The following PRKCE variants were observed in gnomAD, a reference collection of about 807,000 sequenced individuals.
PRKCE encodes the protein protein kinase C epsilon.
In PRKCE, 16 loss-of-function variants were observed where a neutral mutation model predicts 85.4. The ratio of observed to expected loss-of-function variants is 0.19; its 90% CI spans 0.13 to 0.28. PRKCE has a LOEUF of 0.28. Ranked by LOEUF, PRKCE falls within the 10% of genes least tolerant of loss-of-function variation. The probability of loss-of-function intolerance (pLI) is 1.00; values close to 1 mark genes in which losing one functional copy is unlikely to be tolerated. For missense variants in PRKCE, 573 were observed against 975.2 expected (o/e 0.59, Z 5.49); for synonymous variants, 388 against 371.5 (o/e 1.04, Z -0.51).
At chr2:46,012,549 A>AGCC (rs1300405199) in intron 10 of PRKCE, among the ~76,000 whole-genome samples, 3 of 152,088 alleles carry the variant, frequency 2.0e-5, no homozygotes, top group Non-Finnish European at 4.4e-5. Context: ...CCCAGCAGGT[A>AGCC]GCCCTCCCTC....
intron 2 of PRKCE, among the ~76,000 whole-genome samples, chr2:45,891,316 G>A (rs997213862): frequency 2.0e-5 from 3 of 152,070 alleles, no homozygotes; most frequent in African/African-American, 7.3e-5. Flanking sequence ...TCTGACTCAA[G>A]GAACTTTTTG....
intron 2 of PRKCE, among the ~76,000 whole-genome samples, chr2:45,879,733 G>A (rs1018544100): frequency 1.3e-5 from 2 of 152,206 alleles, no homozygotes; most frequent in Admixed American, 6.5e-5. Context: ...CTCCTGTCAC[G>A]AGGCCGTGAA....
intron 2 of PRKCE, among the ~76,000 whole-genome samples, chr2:45,913,279 C>G (rs1374433482): frequency 6.6e-6 from 1 of 152,206 alleles, no homozygotes; most frequent in East Asian, 1.9e-4. Flanking sequence ...TTCTGAGTAG[C>G]TGGGACCACA....
intron 2 of PRKCE, among the ~76,000 whole-genome samples, chr2:45,859,040 CTAAATAAATAAATAAA>C (rs3045334): frequency 0.012 from 1,631 of 135,442 alleles, 36 homozygotes; most frequent in African/African-American, 0.039. Flanking sequence ...GACTCCATCT[CTAAATAAATAAATAAA>C]TAAATAAATA....
chr2:46,036,697 G>A (rs1707886228), intron 10 of PRKCE, among the ~76,000 whole-genome samples: 1 of 152,134 alleles, frequency 6.6e-6, no homozygotes. Context: ...TCCTCTCTGG[G>A]CTGGGGTGGT....
At chr2:45,747,925 A>G (rs1371140833) in intron 1 of PRKCE, among the ~76,000 whole-genome samples, 1 of 151,974 alleles carries the variant, frequency 6.6e-6, no homozygotes, top group Non-Finnish European at 1.5e-5. Flanking sequence ...CTAATGAGCA[A>G]TGTTGAGCAT....
At chr2:45,903,354 G>C (rs146948511) in intron 2 of PRKCE, among the ~76,000 whole-genome samples, 1 of 152,194 alleles carries the variant, frequency 6.6e-6, no homozygotes. Flanking sequence ...TCCATAGACA[G>C]AGCATCCCCT....
At chr2:46,101,005 G>T (rs1422553366) in intron 11 of PRKCE, among the ~76,000 whole-genome samples, 1 of 152,092 alleles carries the variant, frequency 6.6e-6, no homozygotes, top group African/African-American at 2.4e-5. Flanking sequence ...GAATAGCTGG[G>T]ATTACAAGCA....
intron 10 of PRKCE, among the ~76,000 whole-genome samples, chr2:46,023,880 A>C (rs908935243): frequency 2.0e-5 from 2 of 100,928 alleles, no homozygotes; most frequent in Non-Finnish European, 1.9e-5. Flanking sequence ...AATAACAAAA[A>C]TGGCAGGAAT....
chr2:45,834,525 C>G (rs1169546807), intron 1 of PRKCE, among the ~76,000 whole-genome samples: 1 of 152,112 alleles, frequency 6.6e-6, no homozygotes, highest in Non-Finnish European at 1.5e-5. Flanking sequence ...CAGCTCTTGC[C>G]TTTTGCTGAT....
At chr2:46,063,350 A>C (rs1480916075) in intron 10 of PRKCE, among the ~76,000 whole-genome samples, 1 of 146,832 alleles carries the variant, frequency 6.8e-6, no homozygotes, top group African/African-American at 2.5e-5. Context: ...GTTGAACAGA[A>C]AAAAAAAAAA....
intron 1 of PRKCE, among the ~76,000 whole-genome samples, chr2:45,714,739 T>C (rs1329827608): frequency 6.6e-6 from 1 of 152,150 alleles, no homozygotes; most frequent in Non-Finnish European, 1.5e-5. Flanking sequence ...TCACTGGGTG[T>C]CTTCCCTGAC....
At chr2:45,877,479 C>T (rs1694565224) in intron 2 of PRKCE, among the ~76,000 whole-genome samples, 1 of 151,944 alleles carries the variant, frequency 6.6e-6, no homozygotes, top group Non-Finnish European at 1.5e-5. Context: ...ATAGTTTATT[C>T]TGAATAACTT....
intron 2 of PRKCE, among the ~76,000 whole-genome samples, chr2:45,904,104 A>G (rs1270800820): frequency 6.6e-6 from 1 of 151,922 alleles, no homozygotes; most frequent in Non-Finnish European, 1.5e-5. Context: ...GGGTTTTGCT[A>G]TGTTGGCCAG....
chr2:45,995,798 C>T (rs761838301), intron 6 of PRKCE, among the ~76,000 whole-genome samples: 20 of 152,086 alleles, frequency 1.3e-4, no homozygotes, highest in Admixed American at 9.2e-4. Context: ...CTTCTGACTT[C>T]GTTCTTTTTC....
chr2:45,882,297 C>T (rs1297959499), intron 2 of PRKCE, among the ~76,000 whole-genome samples: 1 of 152,148 alleles, frequency 6.6e-6, no homozygotes, highest in Non-Finnish European at 1.5e-5. Context: ...TGCTGTCCTC[C>T]AAGACAGCTG....
chr2:45,912,722 T>C (rs539517595), intron 2 of PRKCE, among the ~76,000 whole-genome samples: 1 of 152,256 alleles, frequency 6.6e-6, no homozygotes, highest in African/African-American at 2.4e-5. Flanking sequence ...AGGTAGAACT[T>C]GGAGGCTTCT....
intron 1 of PRKCE, among the ~76,000 whole-genome samples, chr2:45,701,988 A>C (rs1678680942): frequency 6.6e-6 from 1 of 152,136 alleles, no homozygotes; most frequent in African/African-American, 2.4e-5. Context: ...CAGGAGTTTG[A>C]GACCAGCCTG....
At chr2:45,713,671 G>C (rs1679850477) in intron 1 of PRKCE, among the ~76,000 whole-genome samples, 1 of 152,078 alleles carries the variant, frequency 6.6e-6, no homozygotes, top group Non-Finnish European at 1.5e-5. Context: ...GAATGTGATG[G>C]GCCAAGAAGG....
Sources: gnomAD v4.1 joint callset for allele counts (sites outside exome capture counted in the v4.1 genomes callset) on GRCh38, gnomAD v4.1.1 for gene constraint, MANE v1.5 for transcripts, NCBI Gene and HGNC (gene_info 2026-07-23, HGNC 2026-07-21) for gene names.